PTPRZ1: variants seen among roughly 807,000 people sequenced by gnomAD.
The protein encoded by PTPRZ1 is protein tyrosine phosphatase receptor type Z1.
A neutral mutation model predicts 214.1 loss-of-function variants in PTPRZ1; 82 were observed. The observed-to-expected ratio is 0.38, with a 90% CI of 0.32 to 0.46. The LOEUF (loss-of-function observed/expected upper bound fraction) is 0.46. Among genes scored for constraint, PTPRZ1 ranks in the 20% least tolerant of loss-of-function variants. The pLI is 1.00. For synonymous variants in PTPRZ1, 945 were observed against 987.9 expected (o/e 0.96, Z 0.81); for missense variants, 2,603 against 2,748.7 (o/e 0.95, Z 1.19).
At chr7:121,908,861 A>G in intron 1 of PTPRZ1, 1 of 483,556 alleles carries the variant, frequency 2.1e-6, no homozygotes, top group Non-Finnish European at 4.1e-6. Context: ...ATATGGAAAT[A>G]TATATAAAAT....
intron 11 of PTPRZ1, among the ~76,000 whole-genome samples, chr7:122,007,551 C>T (rs570197847): frequency 6.6e-6 from 1 of 152,266 alleles, no homozygotes; most frequent in South Asian, 2.1e-4. Flanking sequence ...AACCAATCCA[C>T]TATTCACTTC....
rs183747402 is a variant in PTPRZ1 at position 121,979,916 on chromosome 7, A to T, written c.619+3065A>T. Among the ~76,000 whole-genome samples, 663 of 152,340 alleles carry T rather than the reference A, an allele frequency of 4.4e-3. 5 individuals carry two copies. Among genetic ancestry groups the T allele is most frequent in the Non-Finnish European group, 6.7e-3 (455 of 68,034 alleles). On this transcript the variant is annotated intron_variant, in intron 6 of 29. Coordinates refer to ENST00000393386, the MANE Select transcript of PTPRZ1 (RefSeq NM_002851.3). ...TAACTGAAAAGCACTTCTGTAATTT[A>T]AAAATCTTGTGATATCTAGTTACCA...
intron 6 of PTPRZ1, among the ~76,000 whole-genome samples, chr7:121,981,000 G>C (rs1797591763): frequency 6.6e-6 from 1 of 152,170 alleles, no homozygotes; most frequent in South Asian, 2.1e-4. Flanking sequence ...AAATTAGCCA[G>C]GCGTGGTGGC....
chr7:122,011,371 G>C lies in PTPRZ1; in HGVS notation c.2325G>C (p.Leu775Phe). 6.2e-7 allele frequency: 1 copy of C among 1,614,074 alleles called. No individual in the cohort carries two copies. The highest frequency in any genetic ancestry group is 8.5e-7 in the Non-Finnish European group (1 of 1,179,986). Reference protein sequence around the residue: ...SEVFPLVTPLLLDNQILNTTP... With the variant: ...SEVFPLVTPLFLDNQILNTTP... ...TCTTTCCTCTAGTCACCCCTTTGTTGCTTGACAATCAGATCCTCAACACTA... is the reference window on the plus strand; with the variant it reads ...TCTTTCCTCTAGTCACCCCTTTGTTCCTTGACAATCAGATCCTCAACACTA... The change falls in exon 12 of 30, where the codon TTG becomes TTC. Residue 775 changes from leucine to phenylalanine, a missense_variant. Physicochemically the swap from Leu to Phe is conservative, Grantham distance 22. Transcript: ENST00000393386.
intron 12 of PTPRZ1, among the ~76,000 whole-genome samples, chr7:122,017,233 A>G (rs551900979): frequency 1.3e-5 from 2 of 152,268 alleles, no homozygotes; most frequent in South Asian, 4.1e-4. Context: ...TAAATTTTAT[A>G]AGGAAATGCT....
chr7:122,011,862 T>C lies in PTPRZ1; in HGVS notation c.2816T>C (p.Ile939Thr), dbSNP rs774145666. 2.5e-6 allele frequency: 4 copies of C among 1,613,940 alleles called. No individual in the cohort carries two copies. In the South Asian group the frequency reaches 4.4e-5, roughly 18 times the overall value. ...ALSDNEGSQH[I>T]FTVSYSSAIP... is the part of the protein sequence containing the mutation. Reference sequence around the variant, plus strand: ...TCTGATAATGAGGGCTCCCAACACATCTTCACTGTTTCTTACAGTTCTGCA... The same window carrying C: ...TCTGATAATGAGGGCTCCCAACACACCTTCACTGTTTCTTACAGTTCTGCA... The change falls in exon 12 of 30, where the codon ATC (isoleucine) becomes ACC (threonine). Residue 939 changes from isoleucine to threonine, a missense_variant. Ile to Thr is a moderately conservative substitution (Grantham distance 89). Coordinates refer to ENST00000393386, the MANE Select transcript of PTPRZ1 (RefSeq NM_002851.3).
intron 9 of PTPRZ1, 91 bp from the exon 10 acceptor site, chr7:121,997,789 C>A: frequency 9.1e-7 from 1 of 1,101,148 alleles, no homozygotes; most frequent in Non-Finnish European, 1.3e-6. Context: ...TTCCACGGAC[C>A]AGGGAGAAAA....
At position 122,013,203 on chromosome 7, in the gene PTPRZ1, C is replaced by A. The variant is rs768867468; in HGVS notation, c.4157C>A (p.Ser1386Tyr). Residue 1386 changes from serine to tyrosine, a missense_variant, in exon 12 of 30, where the codon TCT becomes TAT. By Grantham distance (144) the Ser-to-Tyr change is moderately radical. This residue lies in a region of PTPRZ1 where 1,913 missense variants were observed against 1,914.3 expected (regional missense o/e 1.00). Transcript: ENST00000393386. ...ITAVSPHRDG[S>Y]VTSTKLLFPS... is the part of the protein sequence containing the mutation. ...GCTGTTTCTCCCCACAGAGATGGTTCTGTAACCTCAACAAAGTTGCTGTTT... is the reference window on the plus strand; with the variant it reads ...GCTGTTTCTCCCCACAGAGATGGTTATGTAACCTCAACAAAGTTGCTGTTT... 1.2e-6 allele frequency: 2 copies of A among 1,614,172 alleles called. No individual in the cohort carries two copies. Among genetic ancestry groups the A allele is most frequent in the South Asian group, 2.2e-5 (2 of 91,076 alleles).
At chr7:122,047,827 A>T (rs1020716133) in intron 23 of PTPRZ1, among the ~76,000 whole-genome samples, 6 of 151,790 alleles carry the variant, frequency 4.0e-5, no homozygotes, top group African/African-American at 1.5e-4. Context: ...AATTTTTTAA[A>T]TGTTTTTTGT....
chr7:121,940,528 A>T (rs1796208574), intron 2 of PTPRZ1, among the ~76,000 whole-genome samples: 1 of 152,190 alleles, frequency 6.6e-6, no homozygotes, highest in Non-Finnish European at 1.5e-5. Context: ...TCTGGGCTCC[A>T]TCTTACATGT....
chr7:122,039,605 A>C lies in PTPRZ1; in HGVS notation c.5637+17A>C. 6.2e-7 allele frequency: 1 copy of C among 1,611,730 alleles called. No homozygotes were observed. Among genetic ancestry groups the C allele is most frequent in the Non-Finnish European group, 8.5e-7 (1 of 1,179,196 alleles). ...ATAAAAAAGGTGAGTCAACAAAATGATGGGCATAATCAAGTGAACAATGCA... is the reference window on the plus strand; with the variant it reads ...ATAAAAAAGGTGAGTCAACAAAATGCTGGGCATAATCAAGTGAACAATGCA... On this transcript the variant is annotated intron_variant, in intron 20 of 29. Coordinates refer to ENST00000393386, the MANE Select transcript of PTPRZ1 (RefSeq NM_002851.3).
chr7:121,941,832 G>A (rs147593369), intron 2 of PTPRZ1, among the ~76,000 whole-genome samples: 1 of 152,204 alleles, frequency 6.6e-6, no homozygotes, highest in East Asian at 1.9e-4. Flanking sequence ...AATCACCTAT[G>A]TCCTTAAGGA....
chr7:121,939,208 G>T (rs973329471), intron 2 of PTPRZ1, among the ~76,000 whole-genome samples: 10 of 152,172 alleles, frequency 6.6e-5, no homozygotes, highest in African/African-American at 2.2e-4. Flanking sequence ...ACACTGTGGA[G>T]TGAGTTCAGA....
chr7:121,893,508 T>G (rs1794699685), intron 1 of PTPRZ1, among the ~76,000 whole-genome samples: 1 of 152,252 alleles, frequency 6.6e-6, no homozygotes, highest in Non-Finnish European at 1.5e-5. Flanking sequence ...GCAAAGCCTG[T>G]GTATTCCCTT....
chr7:121,968,467 A>T (rs755688284), intron 3 of PTPRZ1, among the ~76,000 whole-genome samples: 4 of 152,110 alleles, frequency 2.6e-5, no homozygotes, highest in Admixed American at 2.6e-4. Flanking sequence ...TTATAGTTTG[A>T]TCTTTTCTGC....
chr7:122,013,974 T>A, intron 12 of PTPRZ1, 85 bp downstream of exon 12: 1 of 1,206,110 alleles, frequency 8.3e-7, no homozygotes, highest in Non-Finnish European at 1.1e-6. Context: ...AAGATAGAAA[T>A]TTGGTAAAAT....
chr7:121,929,503 G>GAA (rs10717646), intron 2 of PTPRZ1, among the ~76,000 whole-genome samples: 3 of 141,958 alleles, frequency 2.1e-5, no homozygotes, highest in Non-Finnish European at 4.6e-5. Context: ...TACCGAGTAG[G>GAA]AAAAAAAAAA....
chr7:122,032,500 A>G (rs1253422994), intron 15 of PTPRZ1, among the ~76,000 whole-genome samples: 1 of 152,108 alleles, frequency 6.6e-6, no homozygotes, highest in African/African-American at 2.4e-5. Context: ...AGAGAGCTTC[A>G]TATTGCATTT....
chr7:121,881,046 G>A (rs1794223366), intron 1 of PTPRZ1, among the ~76,000 whole-genome samples: 1 of 152,130 alleles, frequency 6.6e-6, no homozygotes, highest in Non-Finnish European at 1.5e-5. Context: ...AATTCATGTT[G>A]AAGCCCTAAC....
Sources: allele counts gnomAD v4.1 joint callset (sites outside exome capture counted in the v4.1 genomes callset), GRCh38; gene constraint gnomAD v4.1.1; regional missense constraint gnomAD v4.1.1; transcripts MANE v1.5; gene names NCBI Gene and HGNC (gene_info 2026-07-23, HGNC 2026-07-21).